Variants in TSPAN7 observed in about 807,000 individuals in gnomAD.
TSPAN7 encodes the protein tetraspanin 7, also known as tetraspanin-7.
Under a neutral mutation model 17.6 loss-of-function variants are expected in TSPAN7, and 1 was observed. The observed-to-expected ratio is 0.06, with a 90% CI of 0.02 to 0.27. The LOEUF is 0.27. TSPAN7 is among the 10% of genes least tolerant of loss of function. The pLI, the probability that TSPAN7 is intolerant of heterozygous loss-of-function variation, is 1.00. For synonymous variants in TSPAN7, 78 were observed against 79.0 expected (o/e 0.99, Z 0.07); for missense variants, 112 against 201.7 (o/e 0.56, Z 2.69).
chrX:38,570,405 C>T (rs1315856603), intron 1 of TSPAN7, among the ~76,000 whole-genome samples: 1 of 111,721 alleles, frequency 9.0e-6, no homozygotes, highest in Non-Finnish European at 1.9e-5. Flanking sequence ...TTCACTTAGT[C>T]GTTGCTTAGA....
At chrX:38,657,882 C>T (rs1485866608) in intron 1 of TSPAN7, among the ~76,000 whole-genome samples, 1 of 112,064 alleles carries the variant, frequency 8.9e-6, no homozygotes, top group Non-Finnish European at 1.9e-5. Flanking sequence ...TATTCAAAGC[C>T]ATTTTCATAT....
chrX:38,675,966 A>G (rs1020356150), intron 5 of TSPAN7, 106 bp downstream of exon 5: 2 of 989,809 alleles, frequency 2.0e-6, no homozygotes, highest in African/African-American at 3.8e-5. Flanking sequence ...TAGTCAAGGG[A>G]AAGAGAATCT....
intron 1 of TSPAN7, among the ~76,000 whole-genome samples, chrX:38,579,265 G>A (rs1000250687): frequency 7.2e-5 from 8 of 110,883 alleles, no homozygotes; most frequent in African/African-American, 2.6e-4. Flanking sequence ...CATTAACCCA[G>A]TGCATTTTAT....
At chrX:38,568,298 T>G (rs1160068336) in intron 1 of TSPAN7, among the ~76,000 whole-genome samples, 3 of 93,419 alleles carry the variant, frequency 3.2e-5, no homozygotes, top group African/African-American at 5.4e-5. Context: ...TCCTTGGTGT[T>G]TTTTTTTTTT....
intron 1 of TSPAN7, chrX:38,646,299 TG>T (rs2069645661): frequency 8.7e-7 from 1 of 1,153,044 alleles, no homozygotes; most frequent in Admixed American, 2.6e-5. Flanking sequence ...AGACAGGATG[TG>T]GCTATGGCTT....
intron 3 of TSPAN7, 135 bp from the exon 4 acceptor site, chrX:38,674,086 A>G: frequency 1.9e-6 from 1 of 532,454 alleles, no homozygotes; most frequent in East Asian, 3.7e-5. Context: ...ATCTCAGAAA[A>G]TGGGGCATTG....
chrX:38,662,202 C>T (rs1034021244), intron 1 of TSPAN7, among the ~76,000 whole-genome samples: 2 of 111,493 alleles, frequency 1.8e-5, no homozygotes, highest in South Asian at 3.8e-4. Context: ...AAGGGTATGC[C>T]GCAGCCTAAC....
chrX:38,580,352 C>G (rs2069221227), intron 1 of TSPAN7, among the ~76,000 whole-genome samples: 1 of 112,035 alleles, frequency 8.9e-6, no homozygotes, highest in Non-Finnish European at 1.9e-5. Flanking sequence ...TATTTTGTCC[C>G]CGTTTTCCAT....
Position 38,671,364 on chromosome X carries a change from C to T in TSPAN7, c.271-12C>T. On this transcript the variant is annotated splice_polypyrimidine_tract_variant and intron_variant, in intron 2 of 7. Coordinates refer to ENST00000378482, the MANE Select transcript of TSPAN7 (RefSeq NM_004615.4). ...ATGTATCTGACTTTGTCTTTGTGTG[C>T]TTAATTTTCAGTATGCCATGTTTCT... The T allele has an allele frequency of 8.3e-7, 1 of 1,209,884 alleles. No homozygotes were observed. Among genetic ancestry groups the T allele is most frequent in the Non-Finnish European group, 1.1e-6 (1 of 893,817 alleles).
chrX:38,659,987 C>T (rs186628987), intron 1 of TSPAN7, among the ~76,000 whole-genome samples: 17 of 108,106 alleles, frequency 1.6e-4, no homozygotes, highest in Admixed American at 7.0e-4. Context: ...CCACCACAGC[C>T]GGCTAATTTT....
chrX:38,682,022 C>T (rs766210578), intron 6 of TSPAN7, among the ~76,000 whole-genome samples: 1 of 111,996 alleles, frequency 8.9e-6, no homozygotes, highest in South Asian at 3.8e-4. Flanking sequence ...TACATCCTTG[C>T]TATAATGTTG....
At chrX:38,642,363 A>G (rs1483030002) in intron 1 of TSPAN7, among the ~76,000 whole-genome samples, 1 of 112,305 alleles carries the variant, frequency 8.9e-6, no homozygotes, top group Non-Finnish European at 1.9e-5. Flanking sequence ...TAGGACAATT[A>G]TGCTTTGCTC....
At chrX:38,636,891 G>T (rs1405801952) in intron 1 of TSPAN7, among the ~76,000 whole-genome samples, 1 of 111,452 alleles carries the variant, frequency 9.0e-6, no homozygotes, top group East Asian at 2.8e-4. Flanking sequence ...CTGACCTCAG[G>T]TGATCCGCCA....
intron 1 of TSPAN7, among the ~76,000 whole-genome samples, chrX:38,612,062 G>C (rs2069422111): frequency 8.9e-6 from 1 of 112,237 alleles, no homozygotes; most frequent in Non-Finnish European, 1.9e-5. Flanking sequence ...CATTGGTTTT[G>C]TTTGATGAAA....
At chrX:38,606,022 C>T (rs1008812216) in intron 1 of TSPAN7, among the ~76,000 whole-genome samples, 35 of 108,163 alleles carry the variant, frequency 3.2e-4, no homozygotes, top group African/African-American at 1.2e-3. Flanking sequence ...ATGTCTAAAA[C>T]ACCAAAAGCA....
At chrX:38,671,305 A>C in intron 2 of TSPAN7, 71 bp from the exon 3 acceptor site, 2 of 1,056,610 alleles carry the variant, frequency 1.9e-6, no homozygotes, top group Non-Finnish European at 2.7e-6. Context: ...GATTGAAAGT[A>C]ACCTACCCTG....
At chrX:38,620,320 C>A (rs1441821992) in intron 1 of TSPAN7, among the ~76,000 whole-genome samples, 1 of 111,831 alleles carries the variant, frequency 8.9e-6, no homozygotes, top group African/African-American at 3.3e-5. Flanking sequence ...GATGGGATGG[C>A]CATACCTAAC....
At chrX:38,644,649 C>T (rs934950953) in intron 1 of TSPAN7, among the ~76,000 whole-genome samples, 1 of 111,476 alleles carries the variant, frequency 9.0e-6, no homozygotes, top group Non-Finnish European at 1.9e-5. Context: ...GCTCTGCCTC[C>T]AACTCACTGT....
chrX:38,575,998 T>C (rs1241838824), intron 1 of TSPAN7, among the ~76,000 whole-genome samples: 1 of 112,380 alleles, frequency 8.9e-6, no homozygotes, highest in Admixed American at 9.4e-5. Flanking sequence ...GCAAACGTTT[T>C]CTGTAAAGGG....
Sources: allele counts gnomAD v4.1 joint callset (sites outside exome capture counted in the v4.1 genomes callset), GRCh38; gene constraint gnomAD v4.1.1; transcripts MANE v1.5; gene names NCBI Gene and HGNC (gene_info 2026-07-23, HGNC 2026-07-21).